Variants in ZBTB41 observed in about 807,000 individuals in gnomAD.
The protein encoded by ZBTB41 is zinc finger and BTB domain containing 41.
A neutral mutation model predicts 87.6 loss-of-function variants in ZBTB41; 42 were observed. The ratio of observed to expected loss-of-function variants is 0.48; its 90% CI spans 0.37 to 0.62. ZBTB41 has a LOEUF of 0.62. Ranked by LOEUF, ZBTB41 falls within the 20% of genes least tolerant of loss-of-function variation. The pLI is 0.00. For missense variants in ZBTB41, 799 were observed against 1,078.9 expected (o/e 0.74, Z 3.63); for synonymous variants, 364 against 364.0 (o/e 1.00, Z 0.00).
intron 5 of ZBTB41, 76 bp downstream of exon 5, chr1:197,188,216 G>A (rs1432996621): frequency 1.3e-6 from 2 of 1,513,074 alleles, no homozygotes; most frequent in East Asian, 2.3e-5. Context: ...GAGTAATTCA[G>A]CTATAGAAGG....
In ZBTB41 at chr1:197,199,518, T is replaced by C; in HGVS notation, c.956A>G (p.Asp319Gly). The C allele has an allele frequency of 6.2e-7, 1 of 1,611,786 alleles. No individual in the cohort carries two copies. The highest frequency in any genetic ancestry group is 1.1e-5 in the South Asian group (1 of 90,486). ...LEEEMSDEYS[D>G]IEEQSEKDHN... ...ATCCTTTTCACTTTGTTCTTCAATG[T>C]CAGAGTACTCATCTGACATCTCCTC... The change falls in exon 2 of 11, where the codon GAC (aspartate) becomes GGC (glycine). Residue 319 changes from aspartate (D) to glycine (G), a missense_variant. Coordinates refer to ENST00000367405, the MANE Select transcript of ZBTB41 (RefSeq NM_194314.3).
At chr1:197,163,474 A>G (rs1001956451) in intron 10 of ZBTB41, among the ~76,000 whole-genome samples, 4 of 152,106 alleles carry the variant, frequency 2.6e-5, no homozygotes, top group Non-Finnish European at 4.4e-5. Context: ...TCTAAAAAAG[A>G]TAAGTGAAGA....
chr1:197,178,813 GAATT>G (rs1294764110), intron 6 of ZBTB41, among the ~76,000 whole-genome samples: 1 of 152,088 alleles, frequency 6.6e-6, no homozygotes, highest in Non-Finnish European at 1.5e-5. Context: ...TTATGACACT[GAATT>G]AAGTTGATGT....
At chr1:197,172,826 T>C (rs61819115) in intron 9 of ZBTB41, among the ~76,000 whole-genome samples, 45,782 of 151,974 alleles carry the variant, frequency 0.3, 8,709 homozygotes, top group Middle Eastern at 0.45. Flanking sequence ...CCCGCATTTA[T>C]CAAAAAGGTG....
chr1:197,162,308 G>A (rs1659221883), intron 10 of ZBTB41, among the ~76,000 whole-genome samples: 1 of 152,140 alleles, frequency 6.6e-6, no homozygotes, highest in African/African-American at 2.4e-5. Context: ...TACAGTGAGA[G>A]TTTCTATGGT....
chr1:197,198,919 C>T (rs1390610018), intron 2 of ZBTB41, among the ~76,000 whole-genome samples: 1 of 152,176 alleles, frequency 6.6e-6, no homozygotes, highest in East Asian at 1.9e-4. Flanking sequence ...GTGCTAGATA[C>T]TGGAAAAGTG....
At position 197,199,650 on chromosome 1, in the gene ZBTB41, T is replaced by C; in HGVS notation, c.824A>G (p.Asp275Gly). ...TTCTTGATTCAAATTGTCTGACCCA[T>C]CACCACTTTCCTGTTCATCATCGCT... is the stretch of plus-strand genomic sequence containing the variant. The part of the protein sequence containing the change: ...DTSDDEQESG[D>G]GSDNLNQENF... Residue 275 changes from aspartate (D) to glycine (G), a missense_variant, in exon 2 of 11, where the codon GAT (aspartate) becomes GGT (glycine). Transcript: ENST00000367405. 1.2e-6 allele frequency: 2 copies of C among 1,613,222 alleles called. No homozygotes were observed. The highest frequency in any genetic ancestry group is 1.7e-6 in the Non-Finnish European group (2 of 1,179,906).
intron 5 of ZBTB41, among the ~76,000 whole-genome samples, chr1:197,187,251 G>A (rs1659908252): frequency 1.3e-5 from 2 of 152,154 alleles, no homozygotes; most frequent in Non-Finnish European, 1.5e-5. Context: ...CCTACACAAA[G>A]ATGTTTATAG....
intron 5 of ZBTB41, among the ~76,000 whole-genome samples, chr1:197,185,462 T>TAA (rs1318155061): frequency 3.9e-5 from 6 of 152,148 alleles, no homozygotes; most frequent in African/African-American, 1.4e-4. Context: ...CCAAATATAC[T>TAA]AAGTTTATTC....
chr1:197,195,328 A>G (rs1454890311), intron 2 of ZBTB41, among the ~76,000 whole-genome samples: 1 of 152,202 alleles, frequency 6.6e-6, no homozygotes, highest in Admixed American at 6.5e-5. Context: ...ACATGAACAA[A>G]TTTGACCTTA....
At chr1:197,185,290 A>G (rs1310454932) in intron 5 of ZBTB41, among the ~76,000 whole-genome samples, 2 of 152,112 alleles carry the variant, frequency 1.3e-5, no homozygotes, top group African/African-American at 4.8e-5. Context: ...TGTTAACAAA[A>G]GTAATGAACT....
In ZBTB41 at chr1:197,159,204, G is replaced by C; in HGVS notation, c.*155C>G. 1.4e-6 allele frequency: 1 copy of C among 704,930 alleles called. No individual in the cohort carries two copies. Among genetic ancestry groups the C allele is most frequent in the Non-Finnish European group, 2.3e-6 (1 of 436,540 alleles). The allele number at this position is 704,930 out of a possible 1,614,324, so 43.7% of individuals were successfully genotyped here. A position where few individuals can be genotyped will look rare whatever the true frequency, so the allele number is the denominator to read the frequency against. On this transcript the variant is annotated 3_prime_UTR_variant, in exon 11 of 11. Coordinates refer to ENST00000367405, the MANE Select transcript of ZBTB41 (RefSeq NM_194314.3). ...AATTTTGTCCAAATATTCATGTTCA[G>C]TAAACAGAGACACATAGTTTTCTTG...
intron 9 of ZBTB41, among the ~76,000 whole-genome samples, chr1:197,173,507 C>A (rs1659525341): frequency 6.6e-6 from 1 of 152,184 alleles, no homozygotes; most frequent in Non-Finnish European, 1.5e-5. Flanking sequence ...TGGGCTCAAG[C>A]TATCCTTCTG....
At chr1:197,190,970 C>T (rs996498832) in intron 3 of ZBTB41, 139 bp from the exon 4 acceptor site, 1 of 533,056 alleles carries the variant, frequency 1.9e-6, no homozygotes. Flanking sequence ...TAGATGAGCT[C>T]TTTAAGAAGG....
chr1:197,176,537 G>T, intron 8 of ZBTB41, 27 bp downstream of exon 8: 5 of 1,494,018 alleles, frequency 3.3e-6, no homozygotes, highest in Non-Finnish European at 4.6e-6. Flanking sequence ...AAGGATTTTC[G>T]AACTAGCATT....
chr1:197,159,338 C>G lies in ZBTB41; in HGVS notation c.*21G>C, dbSNP rs769921117. ...CATTAGCATATAACCATCCAAAAAT[C>G]TGTGGAATGTTTAGATTTACTCATG... On this transcript the variant is annotated 3_prime_UTR_variant, in exon 11 of 11. Transcript: ENST00000367405. 24 of 1,609,934 alleles carry G rather than the reference C, an allele frequency of 1.5e-5. No individual in the cohort carries two copies. The highest frequency in any genetic ancestry group is 2.0e-5 in the Non-Finnish European group (23 of 1,177,074).
intron 1 of ZBTB41, 100 bp from the exon 2 acceptor site, chr1:197,200,690 T>A (rs1240794482): frequency 4.4e-6 from 2 of 459,266 alleles, no homozygotes; most frequent in Non-Finnish European, 7.6e-6. Flanking sequence ...TATAACTGAA[T>A]GATGATAAAA....
At position 197,154,200 on chromosome 1, in the gene ZBTB41, A is replaced by C. The variant is rs941205440; in HGVS notation, c.*5159T>G. On this transcript the variant is annotated 3_prime_UTR_variant, in exon 11 of 11. Transcript: ENST00000367405. Reference sequence around the variant, plus strand: ...TGCAAGCAGGAATACCAAGCAAAAAAATACGCAGTAACAATGAGATGTGTA... The same window carrying C: ...TGCAAGCAGGAATACCAAGCAAAAACATACGCAGTAACAATGAGATGTGTA... 1.3e-5 allele frequency: 2 copies of C among 152,546 alleles called. No homozygotes were observed. Among genetic ancestry groups the C allele is most frequent in the African/African-American group, 2.4e-5 (1 of 41,464 alleles). The allele number at this position is 152,546 out of a possible 1,614,324, so 9.4% of individuals were successfully genotyped here.
chr1:197,196,143 T>C (rs571160182), intron 2 of ZBTB41, among the ~76,000 whole-genome samples: 1 of 152,260 alleles, frequency 6.6e-6, no homozygotes, highest in South Asian at 2.1e-4. Context: ...ATACGTAACC[T>C]CCAGGCTCAC....
Sources: allele counts gnomAD v4.1 joint callset (sites outside exome capture counted in the v4.1 genomes callset), GRCh38; gene constraint gnomAD v4.1.1; transcripts MANE v1.5; gene names NCBI Gene and HGNC (gene_info 2026-07-23, HGNC 2026-07-21).